CDH13: variants seen among roughly 807,000 people sequenced by gnomAD.
CDH13 encodes cadherin 13, also known as cadherin-13.
In CDH13, 24 loss-of-function variants were observed where a neutral mutation model predicts 63.8. The ratio of observed to expected loss-of-function variants is 0.38; its 90% CI spans 0.27 to 0.53. CDH13 has a LOEUF of 0.53. Among genes scored for constraint, CDH13 ranks in the 20% least tolerant of loss-of-function variants. The probability of loss-of-function intolerance (pLI) is 0.85; values close to 1 mark genes in which losing one functional copy is unlikely to be tolerated. For synonymous variants in CDH13, 503 were observed against 355.3 expected, an observed-to-expected ratio of 1.42 and a Z score of -4.67; for missense variants, 1,049 against 903.1, an observed-to-expected ratio of 1.16 and a Z score of -2.07.
rs1188383406 is a variant in CDH13 at position 83,800,483 on chromosome 16, A to T, written c.*5453A>T. 1.3e-5 allele frequency: 2 copies of T among 152,208 alleles called. No homozygotes were observed. Among genetic ancestry groups the T allele is most frequent in the Non-Finnish European group, 2.9e-5 (2 of 68,034 alleles). The allele number at this position is 152,208 out of a possible 1,614,324, so 9.4% of individuals were successfully genotyped here. The stretch of plus-strand genomic sequence containing the variant: ...AGGGATAAAAGTTAATCATGTTAAA[A>T]TATTCAGTCTATGGCAGATGTCGCT... On this transcript the variant is annotated 3_prime_UTR_variant, in exon 14 of 14. Transcript: ENST00000567109.
At chr16:83,343,072 A>G (rs2090763417) in intron 5 of CDH13, among the ~76,000 whole-genome samples, 2 of 152,084 alleles carry the variant, frequency 1.3e-5, no homozygotes, top group South Asian at 2.1e-4. Context: ...GGCTCTGTTC[A>G]CTTCATTTTT....
intron 3 of CDH13, among the ~76,000 whole-genome samples, chr16:83,103,746 T>G (rs1392252165): frequency 6.6e-6 from 1 of 152,176 alleles, no homozygotes; most frequent in African/African-American, 2.4e-5. Context: ...ATCACAGAAA[T>G]TGTGTATCAA....
chr16:83,699,599 C>A (rs1905903437), intron 10 of CDH13, among the ~76,000 whole-genome samples: 1 of 152,184 alleles, frequency 6.6e-6, no homozygotes, highest in Admixed American at 6.5e-5. Context: ...TGTCGCCCTT[C>A]TCCCCAGTCC....
chr16:83,451,080 C>G (rs2072874707), intron 6 of CDH13, among the ~76,000 whole-genome samples: 1 of 152,138 alleles, frequency 6.6e-6, no homozygotes, highest in South Asian at 2.1e-4. Context: ...GGGGACCACA[C>G]TTGGAGAAAC....
intron 5 of CDH13, among the ~76,000 whole-genome samples, chr16:83,291,952 T>G (rs905950058): frequency 2.6e-5 from 4 of 152,230 alleles, no homozygotes; most frequent in Admixed American, 6.5e-5. Context: ...CACATCACGT[T>G]TCATCATGCC....
intron 1 of CDH13, among the ~76,000 whole-genome samples, chr16:82,672,315 G>A (rs1235899728): frequency 6.6e-6 from 1 of 152,144 alleles, no homozygotes; most frequent in African/African-American, 2.4e-5. Flanking sequence ...CTCCTTGATA[G>A]ATAGCTAGAA....
chr16:83,469,121 C>A (rs925442288), intron 6 of CDH13, among the ~76,000 whole-genome samples: 6 of 152,134 alleles, frequency 3.9e-5, no homozygotes, highest in African/African-American at 1.4e-4. Context: ...AGGTGGAATT[C>A]AGCAGAAGCA....
At chr16:83,727,345 G>A (rs1910530182) in intron 10 of CDH13, among the ~76,000 whole-genome samples, 1 of 152,062 alleles carries the variant, frequency 6.6e-6, no homozygotes, top group Non-Finnish European at 1.5e-5. Context: ...AGTGTTTAGA[G>A]AACAGACACA....
At chr16:82,710,798 A>G (rs59322660) in intron 1 of CDH13, among the ~76,000 whole-genome samples, 1 of 149,214 alleles carries the variant, frequency 6.7e-6, no homozygotes, top group Non-Finnish European at 1.5e-5. Flanking sequence ...AATATAACCT[A>G]TAAGTATATA....
intron 11 of CDH13, among the ~76,000 whole-genome samples, chr16:83,755,756 A>G (rs1913457536): frequency 1.3e-5 from 2 of 152,156 alleles, no homozygotes; most frequent in Admixed American, 1.3e-4. Context: ...GGGGCAAAAA[A>G]AAAAAAAATG....
intron 2 of CDH13, among the ~76,000 whole-genome samples, chr16:82,881,497 T>C (rs1461827843): frequency 6.6e-6 from 1 of 152,122 alleles, no homozygotes; most frequent in East Asian, 1.9e-4. Context: ...CAATCTGTTT[T>C]TGGATGTGGG....
intron 7 of CDH13, among the ~76,000 whole-genome samples, chr16:83,597,949 G>A (rs118060374): frequency 2.9e-4 from 44 of 152,266 alleles, no homozygotes; most frequent in Non-Finnish European, 5.0e-4. Flanking sequence ...TGTCCTCAAC[G>A]CTAAACTTTG....
intron 6 of CDH13, among the ~76,000 whole-genome samples, chr16:83,346,185 G>A (rs1202672662): frequency 2.0e-5 from 3 of 152,152 alleles, no homozygotes; most frequent in Admixed American, 2.0e-4. Context: ...GGTGTTTAGG[G>A]GAGTGTTGGA....
At chr16:82,921,121 T>A (rs2042140677) in intron 2 of CDH13, among the ~76,000 whole-genome samples, 1 of 152,222 alleles carries the variant, frequency 6.6e-6, no homozygotes, top group Non-Finnish European at 1.5e-5. Context: ...ATCCTTTTGA[T>A]AAGTTGTATT....
At chr16:82,791,541 A>G (rs2036305167) in intron 1 of CDH13, among the ~76,000 whole-genome samples, 2 of 152,110 alleles carry the variant, frequency 1.3e-5, no homozygotes, top group Non-Finnish European at 1.5e-5. Flanking sequence ...AAATCTTGCA[A>G]GTGAACACTC....
chr16:83,049,651 C>A (rs1466346472), intron 3 of CDH13, among the ~76,000 whole-genome samples: 1 of 152,132 alleles, frequency 6.6e-6, no homozygotes, highest in African/African-American at 2.4e-5. Context: ...CATAATGTTG[C>A]AAGGTTCATC....
At chr16:83,671,578 T>A (rs141183141) in intron 9 of CDH13, among the ~76,000 whole-genome samples, 204 of 152,342 alleles carry the variant, frequency 1.3e-3, no homozygotes, top group Non-Finnish European at 2.5e-3. Flanking sequence ...AAATTCTTTA[T>A]ACATTTGCTA....
intron 8 of CDH13, 91 bp from the exon 9 acceptor site, chr16:83,670,699 G>C (rs995756990): frequency 9.5e-7 from 1 of 1,050,212 alleles, no homozygotes; most frequent in Non-Finnish European, 1.5e-6. Context: ...TTTTAAGTGA[G>C]ATGATGTGTG....
intron 1 of CDH13, among the ~76,000 whole-genome samples, chr16:82,690,784 T>C (rs1244027060): frequency 1.3e-5 from 2 of 152,240 alleles, no homozygotes; most frequent in Non-Finnish European, 2.9e-5. Context: ...CACAACCTGC[T>C]CACACCTCTG....
Sources: allele counts gnomAD v4.1 joint callset (sites outside exome capture counted in the v4.1 genomes callset), GRCh38; gene constraint gnomAD v4.1.1; transcripts MANE v1.5; gene names NCBI Gene and HGNC (gene_info 2026-07-23, HGNC 2026-07-21).